The following PLEKHH3 variants were observed in gnomAD, a reference collection of about 807,000 sequenced individuals.
PLEKHH3 encodes pleckstrin homology domain-containing family H member 3.
Under a neutral mutation model 77.8 loss-of-function variants are expected in PLEKHH3, and 57 were observed. The observed-to-expected ratio is 0.73, with a 90% CI of 0.59 to 0.91. PLEKHH3 has a LOEUF of 0.91. Ranked by LOEUF, PLEKHH3 falls within the 40% of genes least tolerant of loss-of-function variation. PLEKHH3 has a pLI of 0.00. For synonymous variants in PLEKHH3, 467 were observed against 504.8 expected (o/e 0.93, Z 1.00); for missense variants, 1,082 against 1,091.2 (o/e 0.99, Z 0.12).
In PLEKHH3 at chr17:42,673,195, G is replaced by A. The variant is rs778789668; in HGVS notation, c.750C>T (p.Pro250=). The A allele has an allele frequency of 2.6e-6, 4 of 1,542,360 alleles. 1 individual carries two copies. Among genetic ancestry groups the A allele is most frequent in the Admixed American group, 4.4e-5 (2 of 45,618 alleles). Residue 250 remains proline, a synonymous_variant, in exon 6 of 13, where the codon CCC becomes CCT. Transcript: ENST00000591022. The part of the protein sequence containing the change: ...GALYAPLLPL[P]YGVSAPGPGY... ...ACTCACCTGGGGCGCTGACTCCATA[G>A]GGCAGGGGCAGGAGTGGGGCATACA...
chr17:42,674,293 G>A, intron 2 of PLEKHH3, 61 bp downstream of exon 2: 1 of 1,498,856 alleles, frequency 6.7e-7, no homozygotes, highest in Non-Finnish European at 9.0e-7. Context: ...AGACAGAGAG[G>A]ATGGGGGTCC....
Position 42,669,995 on chromosome 17 carries a change from T to C in PLEKHH3, c.1936A>G (p.Met646Val). ...GCCGCCAGGGCCAGGTAGGCGGCCATGGCCTCAGCTCGGCCCATGCCCCGT... is the reference window on the plus strand; with the variant it reads ...GCCGCCAGGGCCAGGTAGGCGGCCACGGCCTCAGCTCGGCCCATGCCCCGT... ...RLRGMGRAEA[M>V]AAYLALAAQC... Residue 646 changes from methionine (M) to valine (V), a missense_variant, in exon 11 of 13, where the codon ATG becomes GTG. Physicochemically the swap from Met to Val is conservative, Grantham distance 21. Coordinates refer to ENST00000591022, the MANE Select transcript of PLEKHH3 (RefSeq NM_024927.5). The C allele has an allele frequency of 6.2e-7, 1 of 1,606,202 alleles. No homozygotes were observed. Among genetic ancestry groups the C allele is most frequent in the Admixed American group, 1.7e-5 (1 of 59,620 alleles).
In PLEKHH3 at chr17:42,673,925, G is replaced by C. The variant is rs374484456; in HGVS notation, c.298+9C>G. ...GGGGCCTCCAGAGTGCACTGAGGGG[G>C]GTCTCTACCTTTCACAACGATGTCC... On this transcript the variant is annotated intron_variant, in intron 3 of 12. Transcript: ENST00000591022. The C allele has an allele frequency of 4.6e-5, 75 of 1,613,060 alleles. No individual in the cohort carries two copies. The African/African-American group carries it at 5.5e-4, about 12-fold the overall frequency.
In PLEKHH3 at chr17:42,669,921, G is replaced by A; in HGVS notation, c.2010C>T (p.Ser670=). The change falls in exon 11 of 13, where the codon AGC becomes AGT. Residue 670 remains serine (S), a synonymous_variant. Coordinates refer to ENST00000591022, the MANE Select transcript of PLEKHH3 (RefSeq NM_024927.5). ...CCTTCTCCCTTCTCCCCCTCACCGT[G>A]CTCAGCTCCAGAACGTCATACCGAG... The part of the protein sequence containing the change: ...GAARYDVLEL[S]TEPGRGAPQK... The A allele has an allele frequency of 6.2e-7, 1 of 1,613,582 alleles. No individual in the cohort carries two copies. Among genetic ancestry groups the A allele is most frequent in the Middle Eastern group, 1.6e-4 (1 of 6,062 alleles).
chr17:42,674,461 G>T, intron 1 of PLEKHH3, 52 bp from the exon 2 acceptor site: 1 of 1,506,514 alleles, frequency 6.6e-7, no homozygotes, highest in Non-Finnish European at 8.9e-7. Context: ...CCTGCGCAAG[G>T]TTCGTGCCTT....
Position 42,670,344 on chromosome 17 carries a change from G to C in PLEKHH3, c.1587C>G (p.Pro529=). ...AHALLLRGRP[P]PPDDTLRALA... ...GGGCGCGCAGCGTGTCGTCGGGTGG[G>C]GGCGGCCGGCCCCGCAGCAGCAGAG... Residue 529 remains proline, a synonymous_variant, in exon 11 of 13, where the codon CCC becomes CCG. Transcript: ENST00000591022. 7.1e-7 allele frequency: 1 copy of C among 1,410,756 alleles called. No homozygotes were observed. The allele number at this position is 1,410,756 out of a possible 1,614,324, so 87.4% of individuals were successfully genotyped here.
In PLEKHH3 at chr17:42,673,785, G is replaced by A. The variant is rs1219522357; in HGVS notation, c.348C>T (p.Pro116=). 1 of 1,590,350 alleles carries A rather than the reference G, an allele frequency of 6.3e-7. No homozygotes were observed. ...TGAGCACAAACCAGGCTCGGCGCGG[G>A]GGCAGCCAGGGCCGCGCCCCTCCTC... ...PRGGGARPWL[P]PRRAWFVLTR... The change falls in exon 4 of 13, where the codon CCC becomes CCT. Residue 116 remains proline, a synonymous_variant. Coordinates refer to ENST00000591022, the MANE Select transcript of PLEKHH3 (RefSeq NM_024927.5).
intron 9 of PLEKHH3, 90 bp downstream of exon 9, chr17:42,670,904 G>T: frequency 1.3e-6 from 2 of 1,559,428 alleles, no homozygotes; most frequent in East Asian, 4.5e-5. Context: ...CAGGGCCAGG[G>T]GCAAGCGCTG....
chr17:42,671,437 G>C lies in PLEKHH3; in HGVS notation c.1198C>G (p.Gln400Glu), dbSNP rs924256379. Residue 400 changes from glutamine (Q) to glutamate (E), a missense_variant, in exon 8 of 13, where the codon CAA becomes GAA. By Grantham distance (29) the Gln-to-Glu change is conservative. This residue lies in a region of PLEKHH3 where 733 missense variants were observed against 750.0 expected (regional missense o/e 0.98). Transcript: ENST00000591022. This position sits in a 1 kb window ranked among gnomAD's most constrained non-coding sequence, Gnocchi z 4.7. ...ACGGTACACAGCAGCTCCTGCCGTT[G>C]GCTCAACGCGGAAATCTCCGCCAGC... ...PSLAEISALS[Q>E]RQELLCTVHC... 1.2e-6 allele frequency: 2 copies of C among 1,613,190 alleles called. No homozygotes were observed. The highest frequency in any genetic ancestry group is 8.5e-7 in the Non-Finnish European group (1 of 1,180,010).
At position 42,671,413 on chromosome 17, in the gene PLEKHH3, C is replaced by G; in HGVS notation, c.1222G>C (p.Val408Leu). 1 of 1,613,114 alleles carries G rather than the reference C, an allele frequency of 6.2e-7. No homozygotes were observed. Among genetic ancestry groups the G allele is most frequent in the Non-Finnish European group, 8.5e-7 (1 of 1,180,030 alleles). ...CAGGCACCAGCCCCCGGACAGTGCACGGTACACAGCAGCTCCTGCCGTTGG... is the reference window on the plus strand; with the variant it reads ...CAGGCACCAGCCCCCGGACAGTGCAGGGTACACAGCAGCTCCTGCCGTTGG... ...LSQRQELLCT[V>L]HCPGAGACAV... Residue 408 changes from valine to leucine, a missense_variant, in exon 8 of 13, where the codon GTG (valine) becomes CTG (leucine). Around this residue, in one of 3 missense-constraint regions of PLEKHH3, gnomAD observed 733 missense variants for 750.0 expected, o/e 0.98. Coordinates refer to ENST00000591022, the MANE Select transcript of PLEKHH3 (RefSeq NM_024927.5). This position sits in a 1 kb window ranked among gnomAD's most constrained non-coding sequence, Gnocchi z 4.7.
At position 42,668,235 on chromosome 17, in the gene PLEKHH3, G is replaced by C. The variant is rs1162435829; in HGVS notation, c.2274C>G (p.Ser758Arg). The C allele has an allele frequency of 6.4e-7, 1 of 1,560,128 alleles. No homozygotes were observed. Among genetic ancestry groups the C allele is most frequent in the African/African-American group, 1.4e-5 (1 of 70,524 alleles). Reference sequence around the variant, plus strand: ...GCAGGTCTTGGCATGGAGGAGAAGAGCTGCTGCAGGGCCTCTCGGGGGAGG... The same window carrying C: ...GCAGGTCTTGGCATGGAGGAGAAGACCTGCTGCAGGGCCTCTCGGGGGAGG... ...ANPSPERPCSSSSPPCQDLPD... is the reference protein window; with the variant it reads ...ANPSPERPCSRSSPPCQDLPD... The change falls in exon 13 of 13, where the codon AGC (serine) becomes AGG (arginine). Residue 758 changes from serine (S) to arginine (R), a missense_variant. By Grantham distance (110) the Ser-to-Arg change is moderately radical. This residue lies in a region of PLEKHH3 where 733 missense variants were observed against 750.0 expected (regional missense o/e 0.98). Transcript: ENST00000591022.
Position 42,669,792 on chromosome 17 carries a change from T to G in PLEKHH3, c.2013+126A>C, listed in dbSNP as rs542676604. 3 of 1,534,264 alleles carry G rather than the reference T, an allele frequency of 2.0e-6. No homozygotes were observed. In the African/African-American group the frequency reaches 4.1e-5, roughly 21 times the overall value. On this transcript the variant is annotated intron_variant, in intron 11 of 12. Coordinates refer to ENST00000591022, the MANE Select transcript of PLEKHH3 (RefSeq NM_024927.5). ...TGAGGGCCCAAGGGCTGGTGACTCCTGGGGTTTGAGATGGGTAGCTGTTCT... is the reference window on the plus strand; with the variant it reads ...TGAGGGCCCAAGGGCTGGTGACTCCGGGGGTTTGAGATGGGTAGCTGTTCT...
intron 11 of PLEKHH3, 44 bp from the exon 12 acceptor site, chr17:42,669,665 C>T: frequency 1.3e-6 from 2 of 1,567,898 alleles, no homozygotes; most frequent in Non-Finnish European, 1.7e-6. Flanking sequence ...AGGAGCCCAG[C>T]GTTATTTTTG....
In PLEKHH3 at chr17:42,670,185, A is replaced by G. The variant is rs1425172112; in HGVS notation, c.1746T>C (p.Pro582=). The G allele has an allele frequency of 3.4e-6, 4 of 1,166,826 alleles. No homozygotes were observed. The East Asian group carries it at 1.5e-4, about 45-fold the overall frequency. The allele number at this position is 1,166,826 out of a possible 1,614,324, so 72.3% of individuals were successfully genotyped here. The change falls in exon 11 of 13, where the codon CCT becomes CCC. Residue 582 remains proline (P), a synonymous_variant. Transcript: ENST00000591022. ...DPPRPTPRPP[P]SAALLAGALW... is the part of the protein sequence containing the mutation. ...GCGCCCCGGCCAGCAGGGCAGCGGA[A>G]GGGGGCGGCCTGGGGGTCGGGCGGG...
Position 42,672,379 on chromosome 17 carries a change from T to C in PLEKHH3, c.783A>G (p.Ala261=). ...YGVSAPGPGY[A]PLREEAVRLF... Reference sequence around the variant, plus strand: ...GCCGCACCGCCTCCTCGCGCAGGGGTGCATAGCCCGGACCTGTGGGAGGGT... The same window carrying C: ...GCCGCACCGCCTCCTCGCGCAGGGGCGCATAGCCCGGACCTGTGGGAGGGT... The change falls in exon 7 of 13, where the codon GCA becomes GCG. Residue 261 remains alanine, a synonymous_variant. Transcript: ENST00000591022. The C allele has an allele frequency of 6.5e-7, 1 of 1,527,156 alleles. No homozygotes were observed. Among genetic ancestry groups the C allele is most frequent in the South Asian group, 1.2e-5 (1 of 82,230 alleles). 94.6% of individuals were successfully genotyped at this position (1,527,156 alleles called of 1,614,324 possible).
rs779973974 is a variant in PLEKHH3 at position 42,671,013 on chromosome 17, C to A, written c.1402G>T (p.Val468Leu). 12 of 1,610,028 alleles carry A rather than the reference C, an allele frequency of 7.5e-6. No homozygotes were observed. In the South Asian group the frequency reaches 1.3e-4, roughly 18 times the overall value. The change falls in exon 9 of 13, where the codon GTG (valine) becomes TTG (leucine). Residue 468 changes from valine (V) to leucine (L), a missense_variant. Physicochemically the swap from Val to Leu is conservative, Grantham distance 32 (BLOSUM62 1). Around this residue, in one of 3 missense-constraint regions of PLEKHH3, gnomAD observed 733 missense variants for 750.0 expected, o/e 0.98. Coordinates refer to ENST00000591022, the MANE Select transcript of PLEKHH3 (RefSeq NM_024927.5). The surrounding 1 kb of genome is among the most constrained non-coding windows in gnomAD (Gnocchi z 4.7). ...ATTTACTTCTCAAACCTGGTGAGCA[C>A]GTCGGCCACGAGGGTCCCCCCAGCC... ...ALAGGTLVAD[V>L]LTRFENLAAE...
chr17:42,673,690 G>A lies in PLEKHH3; in HGVS notation c.443C>T (p.Thr148Ile). ...TGGGCCGGTCACCGAGCACAGGCTG[G>A]TGAGCACGAGGCTCCCGAGACGCCG... ...GARRLGSLVL[T>I]SLCSVTGPER... Residue 148 changes from threonine to isoleucine, a missense_variant, in exon 4 of 13, where the codon ACC (threonine) becomes ATC (isoleucine). Coordinates refer to ENST00000591022, the MANE Select transcript of PLEKHH3 (RefSeq NM_024927.5). 6.2e-7 allele frequency: 1 copy of A among 1,602,214 alleles called. No individual in the cohort carries two copies. Among genetic ancestry groups the A allele is most frequent in the African/African-American group, 1.3e-5 (1 of 75,032 alleles).
At position 42,676,237 on chromosome 17, in the gene PLEKHH3, T is replaced by A; in HGVS notation, c.162+165A>T. 7.1e-7 allele frequency: 1 copy of A among 1,403,278 alleles called. No homozygotes were observed. Among genetic ancestry groups the A allele is most frequent in the Non-Finnish European group, 9.4e-7 (1 of 1,067,258 alleles). 86.9% of individuals were successfully genotyped at this position (1,403,278 alleles called of 1,614,324 possible). A position where few individuals can be genotyped will look rare whatever the true frequency, so the allele number is the denominator to read the frequency against. On this transcript the variant is annotated intron_variant, in intron 1 of 12. Coordinates refer to ENST00000591022, the MANE Select transcript of PLEKHH3 (RefSeq NM_024927.5). This position sits in a 1 kb window ranked among gnomAD's most constrained non-coding sequence, Gnocchi z 6.6. ...CCCACAGGCACATCCCGAGTAGGGC[T>A]GCTGCTCCGAGAGCTCCCGGGGGCT...
Position 42,671,090 on chromosome 17 carries a change from C to T in PLEKHH3, c.1325G>A (p.Ser442Asn), listed in dbSNP as rs781314142. The change falls in exon 9 of 13, where the codon AGC (serine) becomes AAC (asparagine). Residue 442 changes from serine (S) to asparagine (N), a missense_variant. Coordinates refer to ENST00000591022, the MANE Select transcript of PLEKHH3 (RefSeq NM_024927.5). This position sits in a 1 kb window ranked among gnomAD's most constrained non-coding sequence, Gnocchi z 4.7. Reference sequence around the variant, plus strand: ...CTCGTACAGCGCGAATGCGTTGCGGCTCCGGGCCAAGCCCAGCCGCCCCAC... The same window carrying T: ...CTCGTACAGCGCGAATGCGTTGCGGTTCCGGGCCAAGCCCAGCCGCCCCAC... ...ELVGRLGLARSRNAFALYEQR... is the reference protein window; with the variant it reads ...ELVGRLGLARNRNAFALYEQR... 1 of 1,603,620 alleles carries T rather than the reference C, an allele frequency of 6.2e-7. No homozygotes were observed. Among genetic ancestry groups the T allele is most frequent in the South Asian group, 1.1e-5 (1 of 90,594 alleles).
Sources: gnomAD v4.1 joint callset for allele counts on GRCh38, gnomAD v4.1.1 for gene constraint, gnomAD v4.1.1 regional missense constraint, Gnocchi (gnomAD v3.1) non-coding constraint, MANE v1.5 for transcripts, NCBI Gene and HGNC (gene_info 2026-07-23, HGNC 2026-07-21) for gene names.